The following SPATA17 variants were observed in gnomAD, a reference collection of about 807,000 sequenced individuals.
SPATA17 encodes the protein spermatogenesis-associated protein 17.
A neutral mutation model predicts 62.2 loss-of-function variants in SPATA17; 53 were observed. The observed-to-expected ratio is 0.85, with a 90% CI of 0.68 to 1.07. The LOEUF is 1.07. SPATA17 is among the 50% of genes least tolerant of loss of function. SPATA17 has a pLI of 0.00. For synonymous variants in SPATA17, 146 were observed against 146.8 expected (o/e 0.99, Z 0.04); for missense variants, 466 against 425.5 (o/e 1.10, Z -0.84).
chr1:217,714,318 G>C (rs1230294578), intron 5 of SPATA17, among the ~76,000 whole-genome samples: 1 of 151,642 alleles, frequency 6.6e-6, no homozygotes, highest in Non-Finnish European at 1.5e-5. Context: ...GAACCCGGGA[G>C]GCAGAGGTTG....
chr1:217,816,664 T>G (rs559660272), intron 9 of SPATA17, among the ~76,000 whole-genome samples: 1 of 152,162 alleles, frequency 6.6e-6, no homozygotes, highest in East Asian at 1.9e-4. Flanking sequence ...TACATATAAC[T>G]AGTTAAAAAA....
Position 217,696,802 on chromosome 1 carries a change from G to A in SPATA17, c.395+13441G>A, listed in dbSNP as rs1006650333. Among the ~76,000 whole-genome samples, 6 of 152,190 alleles carry A rather than the reference G, an allele frequency of 3.9e-5. No homozygotes were observed. The South Asian group carries it at 1.2e-3, about 32-fold the overall frequency. ...CAGTTTTCCTCTAGAGAGTAGTCATGTCTATCTTCCTTAAGCTATGAGATG... is the reference window on the plus strand; with the variant it reads ...CAGTTTTCCTCTAGAGAGTAGTCATATCTATCTTCCTTAAGCTATGAGATG... On this transcript the variant is annotated intron_variant, in intron 5 of 10. Transcript: ENST00000366933.
chr1:217,817,617 T>G (rs1309399306), intron 9 of SPATA17, among the ~76,000 whole-genome samples: 2 of 152,040 alleles, frequency 1.3e-5, no homozygotes, highest in Non-Finnish European at 2.9e-5. Context: ...CAAAGTAAGA[T>G]CCTCGACTGA....
intron 9 of SPATA17, among the ~76,000 whole-genome samples, chr1:217,860,076 C>A (rs528623122): frequency 3.5e-4 from 53 of 152,238 alleles, no homozygotes; most frequent in African/African-American, 1.2e-3. Flanking sequence ...TTTGCTGCAT[C>A]TCACAAATCT....
intron 5 of SPATA17, among the ~76,000 whole-genome samples, chr1:217,710,638 A>C (rs1372038884): frequency 6.6e-6 from 1 of 152,204 alleles, no homozygotes; most frequent in East Asian, 1.9e-4. Context: ...GTTTTTTAAA[A>C]GGAAATATTT....
chr1:217,748,857 A>G (rs975928066), intron 6 of SPATA17, among the ~76,000 whole-genome samples: 6 of 152,088 alleles, frequency 3.9e-5, no homozygotes, highest in Non-Finnish European at 5.9e-5. Flanking sequence ...TCAATACGTG[A>G]TTATTCACTT....
chr1:217,713,127 G>T (rs1241412176), intron 5 of SPATA17, among the ~76,000 whole-genome samples: 1 of 152,192 alleles, frequency 6.6e-6, no homozygotes, highest in Non-Finnish European at 1.5e-5. Context: ...CTCGGTCACA[G>T]TGTAGGGCAG....
chr1:217,710,793 TA>T (rs1289086848), intron 5 of SPATA17, among the ~76,000 whole-genome samples: 3 of 148,834 alleles, frequency 2.0e-5, no homozygotes, highest in Admixed American at 1.3e-4. Flanking sequence ...TTTATTACAC[TA>T]AAAAGCAACC....
intron 9 of SPATA17, among the ~76,000 whole-genome samples, chr1:217,860,912 A>C (rs1335349024): frequency 6.6e-6 from 1 of 151,320 alleles, no homozygotes; most frequent in East Asian, 1.9e-4. Context: ...TTTGTCTCCC[A>C]CTCCTAGTCT....
At position 217,741,817 on chromosome 1, in the gene SPATA17, A is replaced by G. The variant is rs569733162; in HGVS notation, c.396-158A>G. Among the ~76,000 whole-genome samples the G allele has an allele frequency of 7.2e-5, 11 of 152,340 alleles. No individual in the cohort carries two copies. In the South Asian group the frequency reaches 2.3e-3, roughly 32 times the overall value. On this transcript the variant is annotated intron_variant, in intron 5 of 10. Coordinates refer to ENST00000366933, the MANE Select transcript of SPATA17 (RefSeq NM_138796.4). ...CACATAAATGCTTTCTAAATATTGC[A>G]AAGATTCATGTAGAAAATGCAGGTA...
intron 5 of SPATA17, among the ~76,000 whole-genome samples, chr1:217,724,458 C>T (rs1426045792): frequency 6.6e-6 from 1 of 152,032 alleles, no homozygotes; most frequent in East Asian, 1.9e-4. Context: ...CTTGGTGGCA[C>T]ATGCCTGTAG....
At chr1:217,760,175 A>C (rs1296120010) in intron 6 of SPATA17, among the ~76,000 whole-genome samples, 2 of 152,188 alleles carry the variant, frequency 1.3e-5, no homozygotes, top group Non-Finnish European at 2.9e-5. Context: ...TTACCACCAG[A>C]GAGACTTAAA....
chr1:217,831,758 C>A (rs1464520415), intron 9 of SPATA17, among the ~76,000 whole-genome samples: 3 of 152,046 alleles, frequency 2.0e-5, no homozygotes, highest in African/African-American at 7.2e-5. Context: ...TTGTGGCTCA[C>A]CCACCTAAAG....
At chr1:217,729,659 C>A (rs1571763425) in intron 5 of SPATA17, among the ~76,000 whole-genome samples, 1 of 152,062 alleles carries the variant, frequency 6.6e-6, no homozygotes, top group African/African-American at 2.4e-5. Context: ...TATATAATAA[C>A]ACAAGCCAGG....
chr1:217,694,633 GT>G (rs1671414349), intron 5 of SPATA17, among the ~76,000 whole-genome samples: 1 of 149,508 alleles, frequency 6.7e-6, no homozygotes, highest in Non-Finnish European at 1.5e-5. Context: ...GCTGGTACCG[GT>G]TGTTCCTTTC....
intron 5 of SPATA17, among the ~76,000 whole-genome samples, chr1:217,704,038 A>AACATTTTTTG (rs1306174992): frequency 6.6e-6 from 1 of 150,932 alleles, no homozygotes; most frequent in Non-Finnish European, 1.5e-5. Context: ...TTTCTCTTTA[A>AACATTTTTTG]ACATTTTTTG....
In SPATA17 at chr1:217,871,173, T is replaced by C. The variant is rs940018076; in HGVS notation, c.*4154T>C. 3 of 152,166 alleles carry C rather than the reference T, an allele frequency of 2.0e-5. No individual in the cohort carries two copies. The highest frequency in any genetic ancestry group is 7.2e-5 in the African/African-American group (3 of 41,450). 9.4% of individuals were successfully genotyped at this position (152,166 alleles called of 1,614,324 possible). ...GTTCCTTTTGGGAAATAAATAATCT[T>C]TCATATCTGTAAACTTTGGTATAAT... On this transcript the variant is annotated 3_prime_UTR_variant, in exon 11 of 11. Coordinates refer to ENST00000366933, the MANE Select transcript of SPATA17 (RefSeq NM_138796.4).
At chr1:217,725,397 C>T (rs1199020407) in intron 5 of SPATA17, among the ~76,000 whole-genome samples, 1 of 152,134 alleles carries the variant, frequency 6.6e-6, no homozygotes, top group African/African-American at 2.4e-5. Context: ...TTAAAATTCT[C>T]TATCCAACTA....
intron 6 of SPATA17, among the ~76,000 whole-genome samples, chr1:217,762,979 A>T (rs1026080178): frequency 1.1e-4 from 17 of 152,306 alleles, no homozygotes; most frequent in African/African-American, 3.4e-4. Flanking sequence ...AAACAAACAA[A>T]AAACAACCCC....
Sources: gnomAD v4.1 joint callset for allele counts (sites outside exome capture counted in the v4.1 genomes callset) on GRCh38, gnomAD v4.1.1 for gene constraint, MANE v1.5 for transcripts, NCBI Gene and HGNC (gene_info 2026-07-23, HGNC 2026-07-21) for gene names.